Variants in CNTN4 observed in about 807,000 individuals in gnomAD.
CNTN4 encodes contactin-4.
In CNTN4, 77 loss-of-function variants were observed where a neutral mutation model predicts 122.5. The ratio of observed to expected loss-of-function variants is 0.63; its 90% CI spans 0.52 to 0.76. The LOEUF (loss-of-function observed/expected upper bound fraction) is 0.76, where lower values mean the gene tolerates loss of function less well. Ranked by LOEUF, CNTN4 falls within the 30% of genes least tolerant of loss-of-function variation. The pLI is 0.00. For missense variants in CNTN4, 1,256 were observed against 1,259.1 expected (o/e 1.00, Z 0.04); for synonymous variants, 512 against 447.0 (o/e 1.15, Z -1.83).
At chr3:2,161,417 G>C (rs961756968) in intron 2 of CNTN4, among the ~76,000 whole-genome samples, 1 of 152,076 alleles carries the variant, frequency 6.6e-6, no homozygotes, top group South Asian at 2.1e-4. Context: ...AGAACTGCTT[G>C]GGGTCGGGGT....
At chr3:2,388,092 A>G (rs915100968) in intron 3 of CNTN4, among the ~76,000 whole-genome samples, 1 of 152,208 alleles carries the variant, frequency 6.6e-6, no homozygotes, top group Non-Finnish European at 1.5e-5. Context: ...ATATGAAATT[A>G]AAAAATTTAT....
intron 12 of CNTN4, among the ~76,000 whole-genome samples, chr3:2,904,112 C>A (rs1032884484): frequency 2.0e-5 from 3 of 152,054 alleles, no homozygotes; most frequent in African/African-American, 7.2e-5. Flanking sequence ...ATGATAATGA[C>A]AACTGAAAAC....
intron 13 of CNTN4, among the ~76,000 whole-genome samples, chr3:2,982,677 T>C (rs1559750872): frequency 6.6e-6 from 1 of 152,204 alleles, no homozygotes; most frequent in Non-Finnish European, 1.5e-5. Context: ...CCCATCACTA[T>C]AGACAAGAGA....
intron 13 of CNTN4, among the ~76,000 whole-genome samples, chr3:2,976,019 A>C (rs141226629): frequency 6.6e-6 from 1 of 152,324 alleles, no homozygotes; most frequent in Non-Finnish European, 1.5e-5. Flanking sequence ...TTAAGAAACA[A>C]ATTTTAGGCA....
intron 23 of CNTN4, among the ~76,000 whole-genome samples, chr3:3,049,262 T>C (rs1701013137): frequency 6.6e-6 from 1 of 152,058 alleles, no homozygotes; most frequent in Non-Finnish European, 1.5e-5. Context: ...TTTGTATTTT[T>C]AGTAGAGATG....
At chr3:2,559,281 A>C (rs1254686160) in intron 3 of CNTN4, among the ~76,000 whole-genome samples, 1 of 152,190 alleles carries the variant, frequency 6.6e-6, no homozygotes, top group East Asian at 1.9e-4. Context: ...AGAGAATGGC[A>C]AACTTCGCAA....
chr3:2,592,644 C>T (rs1473636663), intron 4 of CNTN4, among the ~76,000 whole-genome samples: 1 of 152,178 alleles, frequency 6.6e-6, no homozygotes, highest in African/African-American at 2.4e-5. Flanking sequence ...GCCTCCTTTC[C>T]TTCCGCCATG....
chr3:2,965,750 C>T (rs1476683224), intron 13 of CNTN4, among the ~76,000 whole-genome samples: 1 of 152,116 alleles, frequency 6.6e-6, no homozygotes, highest in East Asian at 1.9e-4. Flanking sequence ...TGACCTGACC[C>T]CTTTCTGAAC....
At chr3:2,725,040 C>A (rs1481080025) in intron 4 of CNTN4, among the ~76,000 whole-genome samples, 1 of 152,176 alleles carries the variant, frequency 6.6e-6, no homozygotes, top group Admixed American at 6.5e-5. Context: ...TCTTCTAGAT[C>A]ATTTATACCT....
intron 4 of CNTN4, among the ~76,000 whole-genome samples, chr3:2,728,716 C>T (rs995232720): frequency 1.3e-5 from 2 of 152,232 alleles, no homozygotes; most frequent in Non-Finnish European, 2.9e-5. Flanking sequence ...CCAGATGTGA[C>T]CCAGGTACAA....
intron 6 of CNTN4, among the ~76,000 whole-genome samples, chr3:2,819,083 G>A (rs1307196245): frequency 6.6e-6 from 1 of 152,238 alleles, no homozygotes; most frequent in East Asian, 1.9e-4. Context: ...TTAAACCTCA[G>A]TTTCTTCACC....
At chr3:2,788,516 T>C (rs2091910107) in intron 6 of CNTN4, among the ~76,000 whole-genome samples, 1 of 152,202 alleles carries the variant, frequency 6.6e-6, no homozygotes, top group Non-Finnish European at 1.5e-5. Context: ...AAAAAATACA[T>C]ACGTAAGGAT....
intron 2 of CNTN4, among the ~76,000 whole-genome samples, chr3:2,125,894 G>GGGGTGTGTGTGT (rs2034118282): frequency 7.0e-6 from 1 of 143,374 alleles, no homozygotes; most frequent in African/African-American, 2.6e-5. Flanking sequence ...TTTTATTTCT[G>GGGGTGTGTGTGT]GTGTGTGTGT....
intron 4 of CNTN4, among the ~76,000 whole-genome samples, chr3:2,725,421 C>A (rs776694708): frequency 1.3e-5 from 2 of 152,084 alleles, no homozygotes; most frequent in Non-Finnish European, 2.9e-5. Flanking sequence ...ATTCTTTATG[C>A]GTAGAAAGAA....
At chr3:2,509,907 T>C (rs1460169119) in intron 3 of CNTN4, among the ~76,000 whole-genome samples, 2 of 152,214 alleles carry the variant, frequency 1.3e-5, no homozygotes, top group South Asian at 2.1e-4. Flanking sequence ...GCTCTTCTGA[T>C]TGGCACCATG....
At chr3:2,857,987 C>T (rs1298596478) in intron 7 of CNTN4, among the ~76,000 whole-genome samples, 1 of 152,112 alleles carries the variant, frequency 6.6e-6, no homozygotes, top group Non-Finnish European at 1.5e-5. Context: ...TGTCTGTATC[C>T]TAAAGCAGGG....
chr3:2,940,155 G>T (rs761957843), intron 13 of CNTN4, among the ~76,000 whole-genome samples: 1 of 152,218 alleles, frequency 6.6e-6, no homozygotes, highest in Non-Finnish European at 1.5e-5. Context: ...AAAAGCAAAA[G>T]GGCTGTGGAC....
Position 2,115,673 on chromosome 3 carries a change from C to G in CNTN4, c.-145+15034C>G, listed in dbSNP as rs2729007. ...TTGTAAACTTGGGGTATAAATCTCT[C>G]TATTGGTTTTCAAGTTGTGGTGTAT... is the stretch of plus-strand genomic sequence containing the variant. On this transcript the variant is annotated intron_variant, in intron 2 of 24. Coordinates refer to ENST00000418658, the MANE Select transcript of CNTN4 (RefSeq NM_175607.3). Among the ~76,000 whole-genome samples the G allele has an allele frequency of 3.9e-5, 6 of 152,228 alleles. 1 individual carries two copies. Among genetic ancestry groups the G allele is most frequent in the African/African-American group, 1.4e-4 (6 of 41,556 alleles).
chr3:2,509,166 A>G (rs1042124618), intron 3 of CNTN4, among the ~76,000 whole-genome samples: 1 of 152,172 alleles, frequency 6.6e-6, no homozygotes, highest in African/African-American at 2.4e-5. Flanking sequence ...TCCTCTCTTC[A>G]TTTGCTTCAG....
Sources: gnomAD v4.1 joint callset for allele counts (sites outside exome capture counted in the v4.1 genomes callset) on GRCh38, gnomAD v4.1.1 for gene constraint, MANE v1.5 for transcripts, NCBI Gene and HGNC (gene_info 2026-07-23, HGNC 2026-07-21) for gene names.